Variants in HTT observed in about 807,000 individuals in gnomAD.
HTT encodes huntington disease protein.
A neutral mutation model predicts 362.3 loss-of-function variants in HTT; 104 were observed. The observed-to-expected ratio is 0.29, with a 90% confidence interval of 0.24 to 0.34. The LOEUF is 0.34. HTT is among the 10% of genes least tolerant of loss of function. The pLI is 1.00. For synonymous variants in HTT, 1,577 were observed against 1,548.7 expected, an observed-to-expected ratio of 1.02 and a Z score of -0.43; for missense variants, 3,301 against 3,928.6, an observed-to-expected ratio of 0.84 and a Z score of 4.27.
Position 3,130,392 on chromosome 4 carries a change from AAGCT to A in HTT, c.1957_1960del (p.Ala653LeufsTer41). ...GTTGATAAATTTGTGTTGAGAGATG[AAGCT>A]ACTGAACCGGGTGATCAAGAAAACA... is the stretch of plus-strand genomic sequence containing the variant. On this transcript the variant is annotated frameshift_variant, in exon 14 of 67. Coordinates refer to ENST00000355072, the MANE Select transcript of HTT (RefSeq NM_001388492.1). LOFTEE classifies it high-confidence loss of function. The A allele has an allele frequency of 6.2e-7, 1 of 1,606,234 alleles. No individual in the cohort carries two copies. The highest frequency in any genetic ancestry group is 1.1e-5 in the South Asian group (1 of 89,948).
chr4:3,187,908 A>G (rs766044206), intron 39 of HTT, 22 bp downstream of exon 39: 25 of 1,444,964 alleles, frequency 1.7e-5, no homozygotes, highest in Admixed American at 1.4e-4. Flanking sequence ...ATCTGAGCCT[A>G]TAACTAACCC....
intron 41 of HTT, among the ~76,000 whole-genome samples, chr4:3,202,286 C>T (rs541844654): frequency 1.3e-5 from 2 of 152,220 alleles, no homozygotes; most frequent in South Asian, 2.1e-4. Flanking sequence ...TTTGGGGGGG[C>T]TTGTGCTGCT....
chr4:3,172,870 C>A, intron 30 of HTT, 38 bp from the exon 31 acceptor site: 2 of 1,367,624 alleles, frequency 1.5e-6, no homozygotes, highest in South Asian at 1.2e-5. Context: ...AAGTGTTGTT[C>A]ACGCCACATT....
chr4:3,133,659 T>C (rs1159739597), intron 18 of HTT, among the ~76,000 whole-genome samples: 4 of 152,222 alleles, frequency 2.6e-5, no homozygotes, highest in Non-Finnish European at 5.9e-5. Flanking sequence ...GATAGCATGT[T>C]GAACCTTTCC....
intron 40 of HTT, among the ~76,000 whole-genome samples, chr4:3,198,310 T>C (rs766092091): frequency 1.4e-5 from 2 of 140,666 alleles, no homozygotes; most frequent in Non-Finnish European, 3.0e-5. Context: ...CTGCTGCCCC[T>C]GCCTCCTGGG....
chr4:3,076,418 C>T (rs1390957205), intron 1 of HTT, among the ~76,000 whole-genome samples: 4 of 152,068 alleles, frequency 2.6e-5, no homozygotes, highest in African/African-American at 9.7e-5. Flanking sequence ...CTGTTATGAT[C>T]CTTGTCTCGT....
intron 23 of HTT, among the ~76,000 whole-genome samples, chr4:3,144,670 A>C (rs1716515369): frequency 6.6e-6 from 1 of 152,206 alleles, no homozygotes. Context: ...AGAAGACTAA[A>C]TATTGTTTGG....
intron 18 of HTT, among the ~76,000 whole-genome samples, chr4:3,133,538 A>C (rs988548403): frequency 4.6e-5 from 7 of 151,610 alleles, no homozygotes; most frequent in African/African-American, 7.3e-5. Context: ...AAAAAAAAAA[A>C]AAAAACCACT....
intron 39 of HTT, 41 bp downstream of exon 39, chr4:3,187,927 T>G (rs1664832333): frequency 4.0e-6 from 5 of 1,247,000 alleles, no homozygotes; most frequent in Non-Finnish European, 5.8e-6. Context: ...CCATGCCTTT[T>G]GGGAAGTCAC....
chr4:3,220,925 T>G (rs949322454), intron 53 of HTT, among the ~76,000 whole-genome samples: 30 of 152,224 alleles, frequency 2.0e-4, no homozygotes, highest in Non-Finnish European at 3.4e-4. Flanking sequence ...ATAGAATTGT[T>G]GCAGATTTAG....
At position 3,240,182 on chromosome 4, in the gene HTT, C is replaced by T. The variant is rs573883182; in HGVS notation, c.*123C>T. ...TATGGGCTTCCGCACATGCCGCGGG[C>T]GGCCAGGCAACGTGCGTGTCTCTGC... On this transcript the variant is annotated 3_prime_UTR_variant, in exon 67 of 67. Coordinates refer to ENST00000355072, the MANE Select transcript of HTT (RefSeq NM_001388492.1). 3.1e-5 allele frequency: 24 copies of T among 777,858 alleles called. No individual in the cohort carries two copies. Among genetic ancestry groups the T allele is most frequent in the East Asian group, 1.9e-4 (7 of 37,346 alleles). 48.2% of individuals were successfully genotyped at this position (777,858 alleles called of 1,614,324 possible). A position where few individuals can be genotyped will look rare whatever the true frequency, so the allele number is the denominator to read the frequency against.
Position 3,132,714 on chromosome 4 carries a change from C to T in HTT, c.2389C>T (p.Leu797Phe). 6.2e-7 allele frequency: 1 copy of T among 1,614,186 alleles called. No homozygotes were observed. Among genetic ancestry groups the T allele is most frequent in the Non-Finnish European group, 8.5e-7 (1 of 1,180,004 alleles). ...AGATTGGATGGGCACCATTAGAACC[C>T]TCACAGGTAACGGCCAGTTTTTCAG... ...VGDWMGTIRT[L>F]TGNTFSLADC... Residue 797 changes from leucine (L) to phenylalanine (F), a missense_variant, in exon 17 of 67, where the codon CTC (leucine) becomes TTC (phenylalanine). This residue lies in a region of HTT where 2,316 missense variants were observed against 2,658.5 expected (regional missense o/e 0.87). Coordinates refer to ENST00000355072, the MANE Select transcript of HTT (RefSeq NM_001388492.1).
intron 59 of HTT, 102 bp from the exon 60 acceptor site, chr4:3,229,785 G>T: frequency 8.1e-7 from 1 of 1,228,810 alleles, no homozygotes; most frequent in East Asian, 2.3e-5. Context: ...AATGTCTCTT[G>T]GGTGTAAGAA....
At chr4:3,183,191 C>T (rs1466898326) in intron 37 of HTT, among the ~76,000 whole-genome samples, 1 of 152,236 alleles carries the variant, frequency 6.6e-6, no homozygotes, top group Admixed American at 6.5e-5. Flanking sequence ...CTATTCATCA[C>T]TAATCAGAAT....
At chr4:3,083,195 G>T (rs1713006902) in intron 1 of HTT, among the ~76,000 whole-genome samples, 1 of 152,052 alleles carries the variant, frequency 6.6e-6, no homozygotes, top group Non-Finnish European at 1.5e-5. Flanking sequence ...AAGCTTGTGT[G>T]GTCAAAACAA....
chr4:3,204,256 C>A, intron 42 of HTT, 108 bp downstream of exon 42: 2 of 1,035,734 alleles, frequency 1.9e-6, no homozygotes, highest in Non-Finnish European at 2.9e-6. Flanking sequence ...CGCCCGGTGT[C>A]CTGCCAAGCT....
intron 8 of HTT, among the ~76,000 whole-genome samples, chr4:3,119,046 C>T (rs779044112): frequency 4.3e-4 from 65 of 152,152 alleles, no homozygotes; most frequent in Non-Finnish European, 7.6e-4. Flanking sequence ...AGTTTGCTTT[C>T]CATGTGTGCT....
intron 40 of HTT, among the ~76,000 whole-genome samples, chr4:3,197,192 T>C (rs1719293507): frequency 1.3e-5 from 2 of 152,106 alleles, no homozygotes; most frequent in Admixed American, 1.3e-4. Flanking sequence ...GTTTTCTCTG[T>C]GTTTCTGCCT....
intron 3 of HTT, among the ~76,000 whole-genome samples, chr4:3,100,439 G>A (rs1386286423): frequency 6.6e-6 from 1 of 152,180 alleles, no homozygotes; most frequent in East Asian, 1.9e-4. Context: ...TTTGTTGTTT[G>A]GCTAATCACG....
Sources: allele counts gnomAD v4.1 joint callset (sites outside exome capture counted in the v4.1 genomes callset), GRCh38; gene constraint gnomAD v4.1.1; regional missense constraint gnomAD v4.1.1; transcripts MANE v1.5; gene names NCBI Gene and HGNC (gene_info 2026-07-23, HGNC 2026-07-21).